Variants in CECR2 observed in about 807,000 individuals in gnomAD.
The protein encoded by CECR2 is chromatin remodeling regulator CECR2.
Under a neutral mutation model 154.5 loss-of-function variants are expected in CECR2, and 30 were observed. That is an observed-to-expected ratio of 0.19 (90% CI 0.15 to 0.26). CECR2 has a LOEUF of 0.26. CECR2 is among the 10% of genes least tolerant of loss of function. CECR2 has a pLI of 1.00. For synonymous variants in CECR2, 725 were observed against 683.7 expected (o/e 1.06, Z -0.94); for missense variants, 1,743 against 1,829.3 (o/e 0.95, Z 0.86).
At chr22:17,397,744 G>A (rs1164695265) in intron 1 of CECR2, among the ~76,000 whole-genome samples, 3 of 152,136 alleles carry the variant, frequency 2.0e-5, no homozygotes, top group Non-Finnish European at 2.9e-5. Flanking sequence ...TGATCCGCCC[G>A]CCTCGGCCTC....
chr22:17,434,954 C>G (rs1405162716), intron 1 of CECR2, among the ~76,000 whole-genome samples: 1 of 152,138 alleles, frequency 6.6e-6, no homozygotes, highest in African/African-American at 2.4e-5. Flanking sequence ...ACGAGCTAAC[C>G]TGCTCCTCAT....
At chr22:17,552,743 G>A in intron 18 of CECR2, 92 bp from the exon 19 acceptor site, 1 of 1,144,766 alleles carries the variant, frequency 8.7e-7, no homozygotes, top group Non-Finnish European at 1.2e-6. Flanking sequence ...TTTCACACAT[G>A]AGGAGCTTGG....
At chr22:17,547,978 G>A (rs755118287) in intron 16 of CECR2, among the ~76,000 whole-genome samples, 170 bp from the exon 17 acceptor site, 34 of 152,218 alleles carry the variant, frequency 2.2e-4, no homozygotes, top group Admixed American at 1.9e-3. Context: ...GTGAAAGGAA[G>A]TGTACAGGGA....
rs537716330 is a variant in CECR2 at position 17,531,076 on chromosome 22, C to T, written c.1109-6027C>T. ...CTGGGTAACTAGAATGAGATGAAGC[C>T]GGCCATGACGAAAGAAGTAACTTGT... is the stretch of plus-strand genomic sequence containing the variant. On this transcript the variant is annotated intron_variant, in intron 9 of 18. Transcript: ENST00000262608. Among the ~76,000 whole-genome samples the T allele has an allele frequency of 4.6e-5, 7 of 152,238 alleles. No homozygotes were observed. In the East Asian group the frequency reaches 9.6e-4, roughly 21 times the overall value.
intron 5 of CECR2, among the ~76,000 whole-genome samples, chr22:17,501,249 C>G (rs909675636): frequency 6.6e-6 from 1 of 152,156 alleles, no homozygotes; most frequent in African/African-American, 2.4e-5. Context: ...TCCCTTCCTA[C>G]TTAATCTAAA....
chr22:17,521,867 G>A (rs1416148775), intron 8 of CECR2, among the ~76,000 whole-genome samples: 1 of 152,162 alleles, frequency 6.6e-6, no homozygotes, highest in Non-Finnish European at 1.5e-5. Context: ...TTTTCTTCTA[G>A]GGTTTTTATG....
At chr22:17,542,105 AGT>A in intron 15 of CECR2, 50 bp from the exon 16 acceptor site, 1 of 1,582,354 alleles carries the variant, frequency 6.3e-7, no homozygotes. Context: ...CATGGCACAA[AGT>A]GTGCCTTATT....
rs910126814 is a variant in CECR2 at position 17,556,908 on chromosome 22, T to G, written c.*4068T>G. The stretch of plus-strand genomic sequence containing the variant: ...ACCAGTGACTCTCCGGACACTAGCT[T>G]CAGTAAGGATACTTCTTATTTCGGT... On this transcript the variant is annotated 3_prime_UTR_variant, in exon 19 of 19. Transcript: ENST00000262608. 1 of 152,266 alleles carries G rather than the reference T, an allele frequency of 6.6e-6. No individual in the cohort carries two copies. Among genetic ancestry groups the G allele is most frequent in the Non-Finnish European group, 1.5e-5 (1 of 68,084 alleles). 9.4% of individuals were successfully genotyped at this position (152,266 alleles called of 1,614,324 possible).
intron 1 of CECR2, among the ~76,000 whole-genome samples, chr22:17,466,013 T>A (rs900888287): frequency 6.6e-6 from 1 of 150,506 alleles, no homozygotes; most frequent in Admixed American, 6.6e-5. Context: ...GCTCCTTTAT[T>A]TATTTATTTA....
At chr22:17,538,611 T>A (rs368619511) in intron 11 of CECR2, 29 bp from the exon 12 acceptor site, 4 of 1,613,556 alleles carry the variant, frequency 2.5e-6, no homozygotes, top group Non-Finnish European at 3.4e-6. Flanking sequence ...CCTCTGTGAG[T>A]GTGTTAAGAT....
At position 17,492,314 on chromosome 22, in the gene CECR2, GTCT is replaced by G. The variant is rs150019203; in HGVS notation, c.222-5081_222-5079del. Among the ~76,000 whole-genome samples the G allele has an allele frequency of 6.3e-3, 964 of 152,268 alleles. 26 individuals are homozygous for G. In the East Asian group the frequency reaches 0.11, roughly 17 times the overall value. ...AACACATGCCTCAAAGAACTTAAGA[GTCT>G]TCTTCTTGTGATCTCCCCAAACAGG... is the stretch of plus-strand genomic sequence containing the variant. On this transcript the variant is annotated intron_variant, in intron 2 of 18. Transcript: ENST00000262608.
Position 17,530,643 on chromosome 22 carries a change from T to C in CECR2, c.1108+6372T>C, listed in dbSNP as rs142013140. Among the ~76,000 whole-genome samples the C allele has an allele frequency of 9.3e-3, 1,418 of 151,690 alleles. 30 individuals are homozygous for C. Among genetic ancestry groups the C allele is most frequent in the African/African-American group, 0.033 (1,346 of 41,366 alleles). On this transcript the variant is annotated intron_variant, in intron 9 of 18. Coordinates refer to ENST00000262608, the MANE Select transcript of CECR2 (RefSeq NM_001290047.2). ...AGTGAGCTGAGATCATGCCACTGCATTCCAGCCTGGGCAACAGAGCGAGAC... is the reference window on the plus strand; with the variant it reads ...AGTGAGCTGAGATCATGCCACTGCACTCCAGCCTGGGCAACAGAGCGAGAC...
In CECR2 at chr22:17,540,653, C is replaced by G. The variant is rs762003565; in HGVS notation, c.1737C>G (p.Pro579=). The change falls in exon 14 of 19, where the codon CCC becomes CCG. Residue 579 remains proline, a synonymous_variant. Coordinates refer to ENST00000262608, the MANE Select transcript of CECR2 (RefSeq NM_001290047.2). ...AGAATGGAGGAAAGTCGTTGCCCCC[C>G]ACACGCCGAGCGCCCTCTTCTGGGG... ...PMENGGKSLP[P]TRRAPSSGDD... is the part of the protein sequence containing the mutation. 34 of 1,613,804 alleles carry G rather than the reference C, an allele frequency of 2.1e-5. No individual in the cohort carries two copies. The highest frequency in any genetic ancestry group is 2.7e-5 in the Non-Finnish European group (32 of 1,179,872).
chr22:17,445,570 A>G (rs959873296), intron 1 of CECR2, among the ~76,000 whole-genome samples: 12 of 140,316 alleles, frequency 8.6e-5, no homozygotes, highest in African/African-American at 2.7e-4. Context: ...TATTATTATT[A>G]TTATTATTAT....
intron 16 of CECR2, among the ~76,000 whole-genome samples, chr22:17,546,679 T>A (rs2056619188): frequency 6.6e-6 from 1 of 152,056 alleles, no homozygotes; most frequent in African/African-American, 2.4e-5. Context: ...ACCTTGTGCT[T>A]CAGATCTGTT....
At chr22:17,418,969 GC>G in intron 1 of CECR2, 1 of 202,152 alleles carries the variant, frequency 4.9e-6, no homozygotes, top group Non-Finnish European at 1.0e-5. Flanking sequence ...TATCGGCTGG[GC>G]CCCGCCTCGC....
chr22:17,404,364 C>CCTTTTTT lies in CECR2; in HGVS notation c.126+34455_126+34456insCTTTTTT, dbSNP rs781954770. On this transcript the variant is annotated intron_variant, in intron 1 of 18. Coordinates refer to ENST00000262608, the MANE Select transcript of CECR2 (RefSeq NM_001290047.2). ...TGTGGGTTCATTTCTGGACCCTGTT[C>CCTTTTTT]TTTCTTTTTTTTTTTTTTTTTTTTT... 4.0e-4 allele frequency among the ~76,000 whole-genome samples: 24 copies of CCTTTTTT among 59,624 alleles called. 5 individuals are homozygous for CCTTTTTT. Among genetic ancestry groups the CCTTTTTT allele is most frequent in the African/African-American group, 1.7e-3 (23 of 13,312 alleles). 39.1% of individuals were successfully genotyped at this position (59,624 alleles called of 152,430 possible). A position where few individuals can be genotyped will look rare whatever the true frequency, so the allele number is the denominator to read the frequency against.
chr22:17,413,685 A>T (rs1003681999), intron 1 of CECR2, among the ~76,000 whole-genome samples: 29 of 151,468 alleles, frequency 1.9e-4, no homozygotes, highest in African/African-American at 6.8e-4. Context: ...TATTATTATT[A>T]TTATTTTTTG....
At chr22:17,465,850 C>G (rs2055023763) in intron 1 of CECR2, among the ~76,000 whole-genome samples, 1 of 151,854 alleles carries the variant, frequency 6.6e-6, no homozygotes. Context: ...AACTCCTGTC[C>G]TCAAGCAATC....
Sources: allele counts gnomAD v4.1 joint callset (sites outside exome capture counted in the v4.1 genomes callset), GRCh38; gene constraint gnomAD v4.1.1; transcripts MANE v1.5; gene names NCBI Gene and HGNC (gene_info 2026-07-23, HGNC 2026-07-21).